LDB2: variants seen among roughly 807,000 people sequenced by gnomAD.
LDB2 encodes the protein LIM domain binding 2, also known as LIM domain-binding protein 2.
LDB2 carries 12 observed loss-of-function variants against 44.3 expected under a neutral mutation model. The ratio of observed to expected loss-of-function variants is 0.27; its 90% CI spans 0.17 to 0.44. LDB2 has a LOEUF of 0.44. LDB2 is among the 20% of genes least tolerant of loss of function. LDB2 has a pLI of 1.00. For synonymous variants in LDB2, 164 were observed against 174.8 expected, an observed-to-expected ratio of 0.94 and a Z score of 0.49; for missense variants, 344 against 473.5, an observed-to-expected ratio of 0.73 and a Z score of 2.54.
intron 1 of LDB2, among the ~76,000 whole-genome samples, chr4:16,812,372 C>A (rs1780040525): frequency 2.0e-5 from 3 of 152,010 alleles, no homozygotes; most frequent in African/African-American, 7.3e-5. Context: ...CTAAGAGGCA[C>A]AGATATTAAT....
At chr4:16,642,553 C>T (rs1023406355) in intron 2 of LDB2, among the ~76,000 whole-genome samples, 1 of 152,044 alleles carries the variant, frequency 6.6e-6, no homozygotes, top group Non-Finnish European at 1.5e-5. Flanking sequence ...CATGAAGGAA[C>T]AAGATAACAT....
At chr4:16,752,878 G>T (rs1765751347) in intron 2 of LDB2, among the ~76,000 whole-genome samples, 1 of 148,790 alleles carries the variant, frequency 6.7e-6, no homozygotes. Flanking sequence ...TGTCTCAATG[G>T]ATGGAAAAAA....
chr4:16,656,590 C>T (rs1315306197), intron 2 of LDB2, among the ~76,000 whole-genome samples: 1 of 152,216 alleles, frequency 6.6e-6, no homozygotes, highest in Non-Finnish European at 1.5e-5. Flanking sequence ...CCAAGCATGA[C>T]TTTATGGTGT....
At chr4:16,795,770 AC>A (rs1776616455) in intron 1 of LDB2, among the ~76,000 whole-genome samples, 1 of 152,186 alleles carries the variant, frequency 6.6e-6, no homozygotes, top group Non-Finnish European at 1.5e-5. Context: ...AACCTGTAGG[AC>A]CAGTACATAA....
intron 2 of LDB2, among the ~76,000 whole-genome samples, chr4:16,646,635 G>A (rs764991463): frequency 1.3e-5 from 2 of 152,138 alleles, no homozygotes; most frequent in African/African-American, 4.8e-5. Context: ...AGCAGGGACC[G>A]GCGGAGTTAC....
chr4:16,632,792 T>C (rs1578344886), intron 2 of LDB2, among the ~76,000 whole-genome samples: 1 of 152,082 alleles, frequency 6.6e-6, no homozygotes, highest in Non-Finnish European at 1.5e-5. Context: ...AAACAACAGG[T>C]GCTGGAGAGG....
chr4:16,799,737 A>G (rs2109728936), intron 1 of LDB2, among the ~76,000 whole-genome samples: 1 of 152,346 alleles, frequency 6.6e-6, no homozygotes, highest in African/African-American at 2.4e-5. Flanking sequence ...CCTTTTGCTT[A>G]ACACTTGGCA....
chr4:16,694,455 A>G (rs554042024), intron 2 of LDB2, among the ~76,000 whole-genome samples: 10 of 152,342 alleles, frequency 6.6e-5, no homozygotes, highest in African/African-American at 2.2e-4. Context: ...AAATGGAAGT[A>G]TCATTGTAGT....
chr4:16,575,445 A>T (rs1030915416), intron 5 of LDB2, among the ~76,000 whole-genome samples: 1 of 152,242 alleles, frequency 6.6e-6, no homozygotes, highest in African/African-American at 2.4e-5. Flanking sequence ...TGCACTAGAG[A>T]CCAAATGGAC....
chr4:16,810,112 C>T (rs1205058319), intron 1 of LDB2, among the ~76,000 whole-genome samples: 1 of 152,146 alleles, frequency 6.6e-6, no homozygotes, highest in Admixed American at 6.5e-5. Context: ...AGGTAATCAG[C>T]TCTAGGCAGA....
At chr4:16,611,640 G>A (rs757313111) in intron 2 of LDB2, among the ~76,000 whole-genome samples, 9 of 152,024 alleles carry the variant, frequency 5.9e-5, no homozygotes, top group South Asian at 2.1e-4. Context: ...GTGGTAAACG[G>A]AGCAATTCAA....
intron 5 of LDB2, among the ~76,000 whole-genome samples, chr4:16,525,923 T>C (rs73798802): frequency 0.031 from 4,738 of 152,192 alleles, 238 homozygotes; most frequent in African/African-American, 0.11. Flanking sequence ...TACAGCAGGT[T>C]CCATGGCATA....
intron 2 of LDB2, among the ~76,000 whole-genome samples, chr4:16,619,211 T>C (rs1472984126): frequency 1.3e-5 from 2 of 152,154 alleles, no homozygotes; most frequent in African/African-American, 2.4e-5. Context: ...TTTGCTGTGA[T>C]TGACAACTAG....
rs1418774697 is a variant in LDB2, at chr4:16,898,632, G to T, written c.-147C>A. 3 of 639,570 alleles carry T rather than the reference G, an allele frequency of 4.7e-6. No individual in the cohort carries two copies. The highest frequency in any genetic ancestry group is 2.5e-6 in the Non-Finnish European group (1 of 398,692). 39.6% of individuals were successfully genotyped at this position (639,570 alleles called of 1,614,324 possible). A position where few individuals can be genotyped will look rare whatever the true frequency, so the allele number is the denominator to read the frequency against. On this transcript the variant is annotated 5_prime_UTR_variant, in exon 1 of 8. Transcript: ENST00000304523. ...GCAGGCAGGCAGGCAGGCTGAACAC[G>T]CTGGCTGGGAACTGCTGTCGGAGCC...
At chr4:16,709,284 G>T (rs1391559404) in intron 2 of LDB2, among the ~76,000 whole-genome samples, 1 of 152,144 alleles carries the variant, frequency 6.6e-6, no homozygotes, top group African/African-American at 2.4e-5. Context: ...TATTCTGCAG[G>T]TTATAGTATA....
chr4:16,795,786 T>C (rs1298799858), intron 1 of LDB2, among the ~76,000 whole-genome samples: 1 of 152,180 alleles, frequency 6.6e-6, no homozygotes, highest in Non-Finnish European at 1.5e-5. Context: ...ACATAATAGA[T>C]AGTCGCTAAA....
intron 1 of LDB2, among the ~76,000 whole-genome samples, chr4:16,893,551 G>A (rs1173390998): frequency 6.6e-6 from 1 of 151,982 alleles, no homozygotes; most frequent in East Asian, 1.9e-4. Flanking sequence ...TTAGAGTTGA[G>A]CTGAGAAGGG....
intron 5 of LDB2, among the ~76,000 whole-genome samples, chr4:16,552,526 A>T (rs1738043139): frequency 6.6e-6 from 1 of 152,144 alleles, no homozygotes; most frequent in African/African-American, 2.4e-5. Context: ...GACTGAACAC[A>T]GACTCCCTCA....
chr4:16,842,003 T>G (rs920960381), intron 1 of LDB2, among the ~76,000 whole-genome samples: 1 of 152,204 alleles, frequency 6.6e-6, no homozygotes, highest in Non-Finnish European at 1.5e-5. Context: ...ATTCTAGAAG[T>G]CTATAAAGGT....
Sources: allele counts gnomAD v4.1 joint callset (sites outside exome capture counted in the v4.1 genomes callset), GRCh38; gene constraint gnomAD v4.1.1; transcripts MANE v1.5; gene names NCBI Gene and HGNC (gene_info 2026-07-23, HGNC 2026-07-21).